GEMIN2: variants seen among roughly 807,000 people sequenced by gnomAD.
The protein encoded by GEMIN2 is gem nuclear organelle associated protein 2, also known as gem-associated protein 2.
A neutral mutation model predicts 45.8 loss-of-function variants in GEMIN2; 37 were observed. The ratio of observed to expected loss-of-function variants is 0.81; its 90% CI spans 0.62 to 1.06. GEMIN2 has a LOEUF of 1.06. Among genes scored for constraint, GEMIN2 ranks in the 50% least tolerant of loss-of-function variants. The pLI is 0.00. For synonymous variants in GEMIN2, 101 were observed against 111.5 expected, an observed-to-expected ratio of 0.91 and a Z score of 0.60; for missense variants, 335 against 321.8, an observed-to-expected ratio of 1.04 and a Z score of -0.31.
At chr14:39,116,410 CTTTT>C (rs71130815) in intron 2 of GEMIN2, among the ~76,000 whole-genome samples, 4 of 133,076 alleles carry the variant, frequency 3.0e-5, no homozygotes, top group Admixed American at 7.7e-5. Flanking sequence ...ATTTCTTTTT[CTTTT>C]TTTTTTTTTT....
chr14:39,122,223 C>G (rs989853307), intron 4 of GEMIN2, among the ~76,000 whole-genome samples: 1 of 152,082 alleles, frequency 6.6e-6, no homozygotes, highest in East Asian at 1.9e-4. Flanking sequence ...TCTTTAAAGG[C>G]CCTGTCTCCA....
intron 6 of GEMIN2, among the ~76,000 whole-genome samples, chr14:39,127,811 T>G (rs182479499): frequency 1.4e-4 from 22 of 152,236 alleles, no homozygotes; most frequent in Admixed American, 1.1e-3. Context: ...GCCTCACACC[T>G]GTGATCGCAG....
At chr14:39,116,485 C>T (rs962725689) in intron 2 of GEMIN2, among the ~76,000 whole-genome samples, 6 of 149,992 alleles carry the variant, frequency 4.0e-5, no homozygotes, top group Non-Finnish European at 5.9e-5. Context: ...GGCGCGATCT[C>T]GGCTCACTGC....
intron 6 of GEMIN2, among the ~76,000 whole-genome samples, chr14:39,126,244 A>C (rs139634787): frequency 6.6e-4 from 93 of 140,030 alleles, no homozygotes; most frequent in African/African-American, 2.3e-3. Context: ...CAGTGATGTG[A>C]TCTTGGCTCA....
intron 6 of GEMIN2, among the ~76,000 whole-genome samples, chr14:39,126,758 G>C (rs1326419597): frequency 1.1e-5 from 1 of 93,928 alleles, no homozygotes; most frequent in Non-Finnish European, 2.7e-5. Context: ...TGGTTTTTTT[G>C]TTTTGTTTTG....
At chr14:39,123,361 C>G (rs1408779991) in intron 5 of GEMIN2, among the ~76,000 whole-genome samples, 1 of 151,908 alleles carries the variant, frequency 6.6e-6, no homozygotes, top group Non-Finnish European at 1.5e-5. Context: ...CAAGAATCAC[C>G]CCTCCCCTGC....
In GEMIN2 at chr14:39,135,889, A is replaced by G. The variant is rs150439659; in HGVS notation, c.771-551A>G. Among the ~76,000 whole-genome samples the G allele has an allele frequency of 3.9e-3, 600 of 152,218 alleles. 4 individuals carry two copies. The highest frequency in any genetic ancestry group is 0.013 in the African/African-American group (522 of 41,522). ...TCCTCTAGTTAACCATTGTATTACTAATTTTTGTTTCATCTTTTCATTCAT... is the reference window on the plus strand; with the variant it reads ...TCCTCTAGTTAACCATTGTATTACTGATTTTTGTTTCATCTTTTCATTCAT... On this transcript the variant is annotated intron_variant, in intron 9 of 9. Coordinates refer to ENST00000308317, the MANE Select transcript of GEMIN2 (RefSeq NM_003616.3).
chr14:39,118,027 G>C lies in GEMIN2; in HGVS notation c.251G>C (p.Gly84Ala). ...TCAGGATGCCAACCCGCCCCTGAAG[G>C]TTATTCCCCAACACTTCAATGGCAA... ...SLSGCQPAPEGYSPTLQWQQQ... is the reference protein window; with the variant it reads ...SLSGCQPAPEAYSPTLQWQQQ... Residue 84 changes from glycine to alanine, a missense_variant, in exon 3 of 10, where the codon GGT becomes GCT. Physicochemically the swap from Gly to Ala is moderately conservative, Grantham distance 60. Coordinates refer to ENST00000308317, the MANE Select transcript of GEMIN2 (RefSeq NM_003616.3). 1 of 1,606,796 alleles carries C rather than the reference G, an allele frequency of 6.2e-7. No homozygotes were observed. The highest frequency in any genetic ancestry group is 8.5e-7 in the Non-Finnish European group (1 of 1,175,166).
Position 39,118,083 on chromosome 14 carries a change from C to T in GEMIN2, c.307C>T (p.Arg103Ter), listed in dbSNP as rs146348850. 1.2e-5 allele frequency: 18 copies of T among 1,556,490 alleles called. No individual in the cohort carries two copies. The highest frequency in any genetic ancestry group is 2.3e-5 in the East Asian group (1 of 43,962). ...ACAAGTGGCACAGTTTTCAACTGTT[C>T]GACAGGTAAGTGTCATATTTAATCT... is the stretch of plus-strand genomic sequence containing the variant. ...QQQVAQFSTV[R>*]QNVNKHRSHW... Residue 103 changes from arginine to a stop codon, truncating the protein, a stop_gained, in exon 3 of 10, where the codon CGA (arginine) becomes TGA (stop). Transcript: ENST00000308317. LOFTEE classifies it high-confidence loss of function.
rs17092056 is a variant in GEMIN2 at position 39,131,794 on chromosome 14, C to G, written c.601-164C>G. On this transcript the variant is annotated intron_variant, in intron 7 of 9. Coordinates refer to ENST00000308317, the MANE Select transcript of GEMIN2 (RefSeq NM_003616.3). ...AATTATAGGATACAAGAGATAACAC[C>G]TGGCTCTCCAAATGAGGCTTTCTTG... The G allele has an allele frequency of 5.7e-3, 3,076 of 540,618 alleles. 77 individuals carry two copies. Among genetic ancestry groups the G allele is most frequent in the African/African-American group, 0.052 (2,691 of 52,070 alleles). 33.5% of individuals were successfully genotyped at this position (540,618 alleles called of 1,614,324 possible).
intron 9 of GEMIN2, among the ~76,000 whole-genome samples, chr14:39,135,417 C>T (rs1486954402): frequency 6.6e-6 from 1 of 151,892 alleles, no homozygotes; most frequent in Non-Finnish European, 1.5e-5. Context: ...GAAACCTCGC[C>T]TCTACTAAAA....
At chr14:39,133,000 G>GTA (rs1158627144) in intron 8 of GEMIN2, among the ~76,000 whole-genome samples, 2 of 60,080 alleles carry the variant, frequency 3.3e-5, no homozygotes, top group Admixed American at 1.6e-4. Context: ...GTGTGTGTGT[G>GTA]TATATATATG....
intron 4 of GEMIN2, among the ~76,000 whole-genome samples, chr14:39,120,387 A>T (rs899531477): frequency 3.9e-5 from 6 of 152,162 alleles, no homozygotes; most frequent in Admixed American, 3.9e-4. Flanking sequence ...TAAATTATTT[A>T]AAAAATAAAG....
chr14:39,131,810 G>A, intron 7 of GEMIN2, 148 bp from the exon 8 acceptor site: 1 of 545,448 alleles, frequency 1.8e-6, no homozygotes, highest in Non-Finnish European at 3.2e-6. Flanking sequence ...CTCCAAATGA[G>A]GCTTTCTTGT....
intron 4 of GEMIN2, among the ~76,000 whole-genome samples, chr14:39,119,349 G>A (rs1594510131): frequency 6.6e-6 from 1 of 152,236 alleles, no homozygotes; most frequent in South Asian, 2.1e-4. Context: ...ACATATAAGT[G>A]AAACCTGTCA....
At chr14:39,133,740 CT>C in intron 9 of GEMIN2, 21 bp downstream of exon 9, 1 of 1,353,766 alleles carries the variant, frequency 7.4e-7, no homozygotes, top group Non-Finnish European at 1.0e-6. Context: ...TCCTTGGCTT[CT>C]TTATTATTTA....
At chr14:39,116,444 T>A (rs34816815) in intron 2 of GEMIN2, among the ~76,000 whole-genome samples, 31,222 of 145,296 alleles carry the variant, frequency 0.21, 3,742 homozygotes, top group Middle Eastern at 0.36. Context: ...AGTCTCAGAG[T>A]CTCGCTCTGT....
intron 7 of GEMIN2, among the ~76,000 whole-genome samples, chr14:39,129,934 G>GGTT (rs1337690770): frequency 1.3e-3 from 80 of 61,426 alleles, no homozygotes; most frequent in African/African-American, 3.1e-3. Context: ...AGACAAGTTT[G>GGTT]TTTTTTTTTT....
Position 39,122,530 on chromosome 14 carries a change from T to C in GEMIN2, c.473T>C (p.Ile158Thr). Reference protein sequence around the residue: ...VGPATNESPGIDYVQIGFPPL... With the variant: ...VGPATNESPGTDYVQIGFPPL... Reference sequence around the variant, plus strand: ...CCAGCCACAAATGAAAGTCCTGGAATAGATTATGTACAAGTAAGGGCTGTG... The same window carrying C: ...CCAGCCACAAATGAAAGTCCTGGAACAGATTATGTACAAGTAAGGGCTGTG... The change falls in exon 5 of 10, where the codon ATA becomes ACA. Residue 158 changes from isoleucine (I) to threonine (T), a missense_variant. Coordinates refer to ENST00000308317, the MANE Select transcript of GEMIN2 (RefSeq NM_003616.3). The C allele has an allele frequency of 1.3e-6, 2 of 1,547,896 alleles. No individual in the cohort carries two copies. Among genetic ancestry groups the C allele is most frequent in the African/African-American group, 1.4e-5 (1 of 73,398 alleles).
Sources: gnomAD v4.1 joint callset for allele counts (sites outside exome capture counted in the v4.1 genomes callset) on GRCh38, gnomAD v4.1.1 for gene constraint, MANE v1.5 for transcripts, NCBI Gene and HGNC (gene_info 2026-07-23, HGNC 2026-07-21) for gene names.